PPME1: variants seen among roughly 807,000 people sequenced by gnomAD.
PPME1 encodes the protein protein phosphatase methylesterase 1.
In PPME1, 17 loss-of-function variants were observed where a neutral mutation model predicts 56.9. The ratio of observed to expected loss-of-function variants is 0.30; its 90% CI spans 0.20 to 0.45. PPME1 has a LOEUF of 0.45. Ranked by LOEUF, PPME1 falls within the 20% of genes least tolerant of loss-of-function variation. The pLI is 1.00. For synonymous variants in PPME1, 122 were observed against 156.2 expected, an observed-to-expected ratio of 0.78 and a Z score of 1.63; for missense variants, 357 against 483.2, an observed-to-expected ratio of 0.74 and a Z score of 2.45.
At chr11:74,190,292 G>T (rs1242431939) in intron 1 of PPME1, among the ~76,000 whole-genome samples, 1 of 152,200 alleles carries the variant, frequency 6.6e-6, no homozygotes, top group East Asian at 1.9e-4. Context: ...ATTGGGTCAT[G>T]GGGGCAGATC....
At chr11:74,180,250 T>C (rs537826660) in intron 1 of PPME1, among the ~76,000 whole-genome samples, 1 of 152,208 alleles carries the variant, frequency 6.6e-6, no homozygotes, top group Non-Finnish European at 1.5e-5. Context: ...ACATTCTCTA[T>C]TCTCCTTAGT....
chr11:74,200,670 A>C (rs1858138114), intron 1 of PPME1, among the ~76,000 whole-genome samples: 2 of 152,030 alleles, frequency 1.3e-5, no homozygotes, highest in Non-Finnish European at 2.9e-5. Flanking sequence ...GGCATGAGCC[A>C]CCGTGCCTGG....
rs1443284148 is a variant in PPME1 at position 74,197,042 on chromosome 11, G to A, written c.102-6686G>A. 2.0e-5 allele frequency among the ~76,000 whole-genome samples: 3 copies of A among 152,276 alleles called. No homozygotes were observed. In the East Asian group the frequency reaches 5.8e-4, roughly 29 times the overall value. On this transcript the variant is annotated intron_variant, in intron 1 of 13. Coordinates refer to ENST00000328257, the MANE Select transcript of PPME1 (RefSeq NM_016147.3). Reference sequence around the variant, plus strand: ...CAAAATGGAGTGGCCTGGTTCAAATGCCTCTGACAAATTGACTATAAATAC... The same window carrying A: ...CAAAATGGAGTGGCCTGGTTCAAATACCTCTGACAAATTGACTATAAATAC...
chr11:74,176,946 C>G (rs3018184), intron 1 of PPME1, among the ~76,000 whole-genome samples: 90,290 of 151,376 alleles, frequency 0.6, 29,135 homozygotes, highest in African/African-American at 0.87. Context: ...GGCCAGGCTG[C>G]TCTTGAACTC....
At chr11:74,253,362 G>T in intron 13 of PPME1, 130 bp from the exon 14 acceptor site, 1 of 888,752 alleles carries the variant, frequency 1.1e-6, no homozygotes, top group Non-Finnish European at 1.8e-6. Flanking sequence ...TCTGGTCAGG[G>T]CTGTGAAATG....
At position 74,180,450 on chromosome 11, in the gene PPME1, C is replaced by T. The variant is rs564825587; in HGVS notation, c.101+8928C>T. Reference sequence around the variant, plus strand: ...AACAACGTTATTTCCCCATCAGTTCCCTTAAGATGGTATAACTAGGGCTAT... The same window carrying T: ...AACAACGTTATTTCCCCATCAGTTCTCTTAAGATGGTATAACTAGGGCTAT... On this transcript the variant is annotated intron_variant, in intron 1 of 13. Coordinates refer to ENST00000328257, the MANE Select transcript of PPME1 (RefSeq NM_016147.3). Among the ~76,000 whole-genome samples, 6 of 152,270 alleles carry T rather than the reference C, an allele frequency of 3.9e-5. No homozygotes were observed. In the East Asian group the frequency reaches 9.6e-4, roughly 24 times the overall value.
chr11:74,218,126 C>T (rs956192781), intron 3 of PPME1, among the ~76,000 whole-genome samples: 3 of 151,662 alleles, frequency 2.0e-5, no homozygotes, highest in African/African-American at 7.3e-5. Flanking sequence ...TCTTATATGC[C>T]AACAGCAAAC....
chr11:74,229,432 A>C (rs139551174), intron 5 of PPME1, among the ~76,000 whole-genome samples: 419 of 152,146 alleles, frequency 2.8e-3, no homozygotes, highest in African/African-American at 9.6e-3. Context: ...GCCTACATGC[A>C]ATTAAAAACC....
chr11:74,239,482 A>G (rs1859291616), intron 9 of PPME1, among the ~76,000 whole-genome samples: 1 of 152,100 alleles, frequency 6.6e-6, no homozygotes, highest in South Asian at 2.1e-4. Flanking sequence ...CCCCTAAAAC[A>G]GACTGCTTTC....
intron 9 of PPME1, among the ~76,000 whole-genome samples, chr11:74,241,617 C>T (rs1010679522): frequency 5.9e-5 from 9 of 152,178 alleles, no homozygotes; most frequent in Non-Finnish European, 1.2e-4. Flanking sequence ...GCAGTGTATG[C>T]GTGTTCCAGT....
At chr11:74,187,397 G>A (rs1202821691) in intron 1 of PPME1, among the ~76,000 whole-genome samples, 1 of 152,016 alleles carries the variant, frequency 6.6e-6, no homozygotes, top group Non-Finnish European at 1.5e-5. Context: ...TTCTTTTTAT[G>A]TCTTTTTTAA....
chr11:74,237,142 A>G (rs953649699), intron 8 of PPME1, among the ~76,000 whole-genome samples: 10 of 149,392 alleles, frequency 6.7e-5, no homozygotes, highest in Non-Finnish European at 1.1e-4. Flanking sequence ...AATTTAACAT[A>G]TTCCTTTGTT....
chr11:74,225,268 A>G lies in PPME1; in HGVS notation c.398+12A>G, dbSNP rs371314190. On this transcript the variant is annotated intron_variant, in intron 5 of 13. Coordinates refer to ENST00000328257, the MANE Select transcript of PPME1 (RefSeq NM_016147.3). ...GAAACAATGGCAAAGTAAGTAACCAAATATTTCTTATACATTGCCTGTCTC... is the reference window on the plus strand; with the variant it reads ...GAAACAATGGCAAAGTAAGTAACCAGATATTTCTTATACATTGCCTGTCTC... 1.3e-6 allele frequency: 2 copies of G among 1,535,892 alleles called. No homozygotes were observed. Among genetic ancestry groups the G allele is most frequent in the Admixed American group, 1.9e-5 (1 of 53,040 alleles).
Position 74,171,449 on chromosome 11 carries a change from C to T in PPME1, c.28C>T (p.Leu10Phe). 1 of 1,613,108 alleles carries T rather than the reference C, an allele frequency of 6.2e-7. No individual in the cohort carries two copies. Among genetic ancestry groups the T allele is most frequent in the Non-Finnish European group, 8.5e-7 (1 of 1,179,638 alleles). ...GTCGGCCCTCGAAAAGAGCATGCAC[C>T]TCGGCCGCCTTCCCTCTCGCCCACC... MSALEKSMH[L>F]GRLPSRPPLP... Residue 10 changes from leucine (L) to phenylalanine (F), a missense_variant, in exon 1 of 14, where the codon CTC (leucine) becomes TTC (phenylalanine). Leu to Phe is a conservative substitution (Grantham distance 22, BLOSUM62 0). Coordinates refer to ENST00000328257, the MANE Select transcript of PPME1 (RefSeq NM_016147.3).
In PPME1 at chr11:74,247,086, T is replaced by C; in HGVS notation, c.972T>C (p.Asp324=). The C allele has an allele frequency of 6.2e-7, 1 of 1,611,754 alleles. No individual in the cohort carries two copies. The highest frequency in any genetic ancestry group is 8.5e-7 in the Non-Finnish European group (1 of 1,178,398). ...IPKLLLLAGV[D]RLDKDLTIGQ... ...AATTCTCTTGTTTTCTAGGTGTTGATAGATTGGATAAAGATCTGACCATTG... is the reference window on the plus strand; with the variant it reads ...AATTCTCTTGTTTTCTAGGTGTTGACAGATTGGATAAAGATCTGACCATTG... Residue 324 remains aspartate, a synonymous_variant, in exon 11 of 14, where the codon GAT becomes GAC. Coordinates refer to ENST00000328257, the MANE Select transcript of PPME1 (RefSeq NM_016147.3).
At position 74,253,493 on chromosome 11, in the gene PPME1, G is replaced by T; in HGVS notation, c.1144G>T (p.Val382Leu). 2.5e-6 allele frequency: 4 copies of T among 1,607,748 alleles called. No homozygotes were observed. The highest frequency in any genetic ancestry group is 3.4e-6 in the Non-Finnish European group (4 of 1,174,212). Reference protein sequence around the residue: ...FAEPIGGFQCVFPGC With the variant: ...FAEPIGGFQCLFPGC ...CCTTCTCTTTCTGTTCTTCCACAGT[G>T]TGTTTCCTGGCTGTTAGTGACCTGC... The change falls in exon 14 of 14, where the codon GTG (valine) becomes TTG (leucine). Residue 382 changes from valine (V) to leucine (L), a missense_variant and splice_region_variant. Coordinates refer to ENST00000328257, the MANE Select transcript of PPME1 (RefSeq NM_016147.3).
intron 12 of PPME1, 190 bp from the exon 13 acceptor site, chr11:74,251,458 G>A: frequency 2.1e-6 from 3 of 1,424,562 alleles, no homozygotes; most frequent in Non-Finnish European, 2.7e-6. Flanking sequence ...AGCTATCCCT[G>A]GCAAGGATAG....
intron 11 of PPME1, chr11:74,249,512 A>G (rs1859598497): frequency 1.3e-5 from 2 of 152,258 alleles, no homozygotes; most frequent in Non-Finnish European, 2.9e-5. Flanking sequence ...TCTTCCAAAG[A>G]GGAAGGACAA....
In PPME1 at chr11:74,223,887, G is replaced by A. The variant is rs1195994196; in HGVS notation, c.347-1318G>A. On this transcript the variant is annotated intron_variant, in intron 4 of 13. Transcript: ENST00000328257. ...AGTTGCGAAAATTTTCTCCCATTTTGTAGGTTGCCTGTTCACTCTGATGGT... is the reference window on the plus strand; with the variant it reads ...AGTTGCGAAAATTTTCTCCCATTTTATAGGTTGCCTGTTCACTCTGATGGT... Among the ~76,000 whole-genome samples the A allele has an allele frequency of 2.0e-5, 3 of 149,506 alleles. No individual in the cohort carries two copies. The South Asian group carries it at 6.4e-4, about 32-fold the overall frequency.
Sources: allele counts gnomAD v4.1 joint callset (sites outside exome capture counted in the v4.1 genomes callset), GRCh38; gene constraint gnomAD v4.1.1; transcripts MANE v1.5; gene names NCBI Gene and HGNC (gene_info 2026-07-23, HGNC 2026-07-21).